The following KCND3 variants were observed in gnomAD, a reference collection of about 807,000 sequenced individuals.
The protein encoded by KCND3 is potassium voltage-gated channel subfamily D member 3.
KCND3 carries 9 observed loss-of-function variants against 51.1 expected under a neutral mutation model. The ratio of observed to expected loss-of-function variants is 0.18; its 90% CI spans 0.11 to 0.31. KCND3 has a LOEUF of 0.31. Ranked by LOEUF, KCND3 falls within the 10% of genes least tolerant of loss-of-function variation. The pLI is 1.00. For missense variants in KCND3, 526 were observed against 903.8 expected (o/e 0.58, Z 5.36); for synonymous variants, 349 against 368.0 (o/e 0.95, Z 0.59).
chr1:111,823,800 G>A (rs1196022196), intron 2 of KCND3, among the ~76,000 whole-genome samples: 1 of 152,126 alleles, frequency 6.6e-6, no homozygotes, highest in Non-Finnish European at 1.5e-5. Context: ...GAACTGAGGT[G>A]TAAATCCATA....
chr1:111,944,801 A>C (rs1672700664), intron 2 of KCND3, among the ~76,000 whole-genome samples: 1 of 152,226 alleles, frequency 6.6e-6, no homozygotes, highest in African/African-American at 2.4e-5. Context: ...AGGGGAGGGA[A>C]ATGAAAACAA....
At chr1:111,863,477 G>A (rs894538355) in intron 2 of KCND3, among the ~76,000 whole-genome samples, 2 of 152,212 alleles carry the variant, frequency 1.3e-5, no homozygotes, top group East Asian at 1.9e-4. Flanking sequence ...AAGAATGAAT[G>A]GGAGTCTTCT....
chr1:111,886,509 G>A (rs1669578406), intron 2 of KCND3, among the ~76,000 whole-genome samples: 1 of 152,224 alleles, frequency 6.6e-6, no homozygotes, highest in Non-Finnish European at 1.5e-5. Context: ...TGTCCTGTGC[G>A]AGGAGGGTTA....
In KCND3 at chr1:111,982,510, ACTC is replaced by A; in HGVS notation, c.214_216del (p.Glu72del). On this transcript the variant is annotated inframe_deletion, in exon 2 of 8. Transcript: ENST00000302127. The surrounding 1 kb of genome is among the most constrained non-coding windows in gnomAD (Gnocchi z 8.5). ...TCCTTGGTGTCCTCGTTGAAGAAGA[ACTC>A]CTTCTCCGTGCTGCCCAGCAGGGTG... 6.2e-7 allele frequency: 1 copy of A among 1,605,422 alleles called. No homozygotes were observed. Among genetic ancestry groups the A allele is most frequent in the Non-Finnish European group, 8.5e-7 (1 of 1,173,642 alleles).
intron 2 of KCND3, among the ~76,000 whole-genome samples, chr1:111,836,382 T>C (rs1667066430): frequency 1.3e-5 from 2 of 152,336 alleles, no homozygotes; most frequent in South Asian, 2.1e-4. Flanking sequence ...CCCAGTAATC[T>C]GATTTTCTCT....
intron 2 of KCND3, among the ~76,000 whole-genome samples, chr1:111,812,570 C>T (rs528255996): frequency 3.3e-5 from 5 of 152,246 alleles, no homozygotes; most frequent in Admixed American, 6.5e-5. Context: ...ACTTTCTTCA[C>T]GTGGACCTTT....
At chr1:111,859,392 A>T (rs2101685583) in intron 2 of KCND3, among the ~76,000 whole-genome samples, 1 of 152,238 alleles carries the variant, frequency 6.6e-6, no homozygotes, top group Non-Finnish European at 1.5e-5. Flanking sequence ...GGGAAAGGAG[A>T]GGTTGGATGG....
chr1:111,937,389 G>A (rs374916137), intron 2 of KCND3, among the ~76,000 whole-genome samples: 5 of 152,284 alleles, frequency 3.3e-5, no homozygotes, highest in African/African-American at 1.2e-4. Flanking sequence ...AGCCCCAGGC[G>A]CTTTTCCATT....
At chr1:111,900,683 C>A (rs1027975775) in intron 2 of KCND3, among the ~76,000 whole-genome samples, 2 of 151,880 alleles carry the variant, frequency 1.3e-5, no homozygotes, top group Non-Finnish European at 2.9e-5. Flanking sequence ...TGAGGCCAGG[C>A]GCAGTGGCTC....
At chr1:111,837,890 A>C (rs989389614) in intron 2 of KCND3, among the ~76,000 whole-genome samples, 1 of 152,142 alleles carries the variant, frequency 6.6e-6, no homozygotes, top group Non-Finnish European at 1.5e-5. Context: ...ATTTTGTAGA[A>C]TGTTCCCCAA....
intron 2 of KCND3, among the ~76,000 whole-genome samples, chr1:111,940,487 C>A (rs1672463842): frequency 6.6e-6 from 1 of 152,126 alleles, no homozygotes; most frequent in African/African-American, 2.4e-5. Flanking sequence ...AGAGGGAATT[C>A]TTTCCCCATT....
At chr1:111,959,801 C>T (rs1387388794) in intron 2 of KCND3, among the ~76,000 whole-genome samples, 1 of 152,162 alleles carries the variant, frequency 6.6e-6, no homozygotes, top group Non-Finnish European at 1.5e-5. Context: ...GTGAAATGGT[C>T]TCACAGCCTG....
intron 2 of KCND3, among the ~76,000 whole-genome samples, chr1:111,907,566 G>T (rs967381592): frequency 2.6e-5 from 4 of 152,202 alleles, no homozygotes; most frequent in African/African-American, 9.6e-5. Flanking sequence ...TCACGTGAGG[G>T]TTCTTAAGCC....
At chr1:111,841,253 G>A (rs548058762) in intron 2 of KCND3, among the ~76,000 whole-genome samples, 1 of 152,280 alleles carries the variant, frequency 6.6e-6, no homozygotes, top group East Asian at 1.9e-4. Flanking sequence ...GGCTTCCTCT[G>A]GCTCACAGAT....
chr1:111,926,064 G>A lies in KCND3; in HGVS notation c.1106+55557C>T, dbSNP rs1474206025. ...AACAATTATGCATACCATTAAGGAT[G>A]TTATCAGGGTAACTTTGCAGTGAAT... On this transcript the variant is annotated intron_variant, in intron 2 of 7. Transcript: ENST00000302127. Among the ~76,000 whole-genome samples, 6 of 152,326 alleles carry A rather than the reference G, an allele frequency of 3.9e-5. No homozygotes were observed. In the East Asian group the frequency reaches 9.6e-4, roughly 24 times the overall value.
intron 2 of KCND3, among the ~76,000 whole-genome samples, chr1:111,796,146 A>G (rs1665046265): frequency 6.6e-6 from 1 of 151,854 alleles, no homozygotes. Flanking sequence ...TTGTCTGTTC[A>G]CTCTGTCGGC....
Position 111,780,776 on chromosome 1 carries a change from T to C in KCND3, c.1285A>G (p.Arg429Gly), listed in dbSNP as rs1323409121. 2 of 1,613,222 alleles carry C rather than the reference T, an allele frequency of 1.2e-6. No homozygotes were observed. The highest frequency in any genetic ancestry group is 1.7e-6 in the Non-Finnish European group (2 of 1,179,746). The change falls in exon 4 of 8, where the codon AGG becomes GGG. Residue 429 changes from arginine (R) to glycine (G), a missense_variant. Transcript: ENST00000302127. This position sits in a 1 kb window ranked among gnomAD's most constrained non-coding sequence, Gnocchi z 4.2. ...RRAQKKARLA[R>G]IRVAKTGSSN... Reference sequence around the variant, plus strand: ...CTGCCTGTTTTGGCCACACGGATCCTGGCAAGGCGGGCCTTCTGTGATTGG... The same window carrying C: ...CTGCCTGTTTTGGCCACACGGATCCCGGCAAGGCGGGCCTTCTGTGATTGG...
At chr1:111,879,160 C>A (rs1348983985) in intron 2 of KCND3, among the ~76,000 whole-genome samples, 2 of 152,162 alleles carry the variant, frequency 1.3e-5, no homozygotes, top group Non-Finnish European at 2.9e-5. Context: ...CACTGCAGAT[C>A]TTGGGACTAC....
chr1:111,968,291 T>G (rs970752475), intron 2 of KCND3, among the ~76,000 whole-genome samples: 9 of 151,944 alleles, frequency 5.9e-5, no homozygotes, highest in African/African-American at 2.2e-4. Context: ...GCACGAGTCC[T>G]CAGGTACAAA....
Sources: gnomAD v4.1 joint callset for allele counts (sites outside exome capture counted in the v4.1 genomes callset) on GRCh38, gnomAD v4.1.1 for gene constraint, Gnocchi (gnomAD v3.1) non-coding constraint, MANE v1.5 for transcripts, NCBI Gene and HGNC (gene_info 2026-07-23, HGNC 2026-07-21) for gene names.